ANKRD36B: variants seen among roughly 807,000 people sequenced by gnomAD.
The protein encoded by ANKRD36B is ankyrin repeat domain-containing protein 36B.
In ANKRD36B, 37 loss-of-function variants were observed where a neutral mutation model predicts 135.7. The ratio of observed to expected loss-of-function variants is 0.27; its 90% CI spans 0.21 to 0.36. The LOEUF (loss-of-function observed/expected upper bound fraction) is 0.36. Among genes scored for constraint, ANKRD36B ranks in the 10% least tolerant of loss-of-function variants. ANKRD36B has a pLI of 1.00. For missense variants in ANKRD36B, 549 were observed against 1,037.1 expected, an observed-to-expected ratio of 0.53 and a Z score of 6.46; for synonymous variants, 179 against 348.1, an observed-to-expected ratio of 0.51 and a Z score of 5.41.
chr2:97,516,214 A>AC (rs1445778365), intron 36 of ANKRD36B, among the ~76,000 whole-genome samples: 1 of 61,496 alleles, frequency 1.6e-5, no homozygotes, highest in Non-Finnish European at 4.4e-5. Flanking sequence ...AAAAAAAAAA[A>AC]CATAGTTATG....
At chr2:97,576,168 T>C (rs994130536) in intron 6 of ANKRD36B, among the ~76,000 whole-genome samples, 1 of 151,038 alleles carries the variant, frequency 6.6e-6, no homozygotes, top group Non-Finnish European at 1.5e-5. Flanking sequence ...GGAACGATAA[T>C]TAAATAATAA....
intron 5 of ANKRD36B, among the ~76,000 whole-genome samples, chr2:97,576,824 T>C (rs1298127817): frequency 2.0e-5 from 3 of 152,076 alleles, no homozygotes; most frequent in Non-Finnish European, 4.4e-5. Context: ...GGTTGTTATA[T>C]AGGTTTAATG....
intron 1 of ANKRD36B, among the ~76,000 whole-genome samples, chr2:97,587,044 G>A (rs6710300): frequency 0.056 from 8,585 of 152,032 alleles, 818 homozygotes; most frequent in African/African-American, 0.2. Context: ...GCATGGTGGC[G>A]CACACCTGTA....
In ANKRD36B at chr2:97,523,451, T is replaced by G. The variant is rs1282106453; in HGVS notation, c.2282A>C (p.His761Pro). Residue 761 changes from histidine to proline, a missense_variant, in exon 36 of 44, where the codon CAT becomes CCT. His to Pro is a moderately conservative substitution (Grantham distance 77). Transcript: ENST00000359901. ...TATGTCATCAAGGTCATCCCTAGAA[T>G]GTATTTGGTTTTTCACCTACAAAAT... ...NNQPQVKNQI[H>P]SRDDLDDIIQ... 1.3e-6 allele frequency: 1 copy of G among 752,718 alleles called. No individual in the cohort carries two copies. The highest frequency in any genetic ancestry group is 2.1e-5 in the African/African-American group (1 of 47,274). The allele number at this position is 752,718 out of a possible 1,614,324, so 46.6% of individuals were successfully genotyped here.
In ANKRD36B at chr2:97,494,373, T is replaced by C. The variant is rs1419545385; in HGVS notation, c.*7-1518A>G. On this transcript the variant is annotated intron_variant, in intron 43 of 43. Coordinates refer to ENST00000359901, the MANE Select transcript of ANKRD36B (RefSeq NM_001393939.1). The stretch of plus-strand genomic sequence containing the variant: ...GGTCAGGGACCCAGAAGGCTTTTAC[T>C]TGTGGCTAAAGGTGAAGAGACAACG... 6.7e-5 allele frequency among the ~76,000 whole-genome samples: 7 copies of C among 104,834 alleles called. 1 individual carries two copies. Among genetic ancestry groups the C allele is most frequent in the Admixed American group, 1.7e-4 (2 of 11,634 alleles). The allele number at this position is 104,834 out of a possible 152,430, so 68.8% of individuals were successfully genotyped here.
intron 6 of ANKRD36B, among the ~76,000 whole-genome samples, chr2:97,566,721 G>T (rs1472193166): frequency 1.3e-5 from 2 of 152,054 alleles, no homozygotes; most frequent in African/African-American, 4.8e-5. Flanking sequence ...AATGAACCAG[G>T]TGCAGCTAGA....
intron 16 of ANKRD36B, among the ~76,000 whole-genome samples, chr2:97,551,864 A>G (rs1379587401): frequency 6.6e-6 from 1 of 151,920 alleles, no homozygotes; most frequent in Admixed American, 6.6e-5. Flanking sequence ...TCATGCAACA[A>G]ATCAAAAGGA....
intron 6 of ANKRD36B, among the ~76,000 whole-genome samples, chr2:97,572,100 T>C (rs1016647154): frequency 1.3e-5 from 2 of 152,032 alleles, no homozygotes; most frequent in African/African-American, 2.4e-5. Context: ...GAGAGAGACC[T>C]TTGTCTTTAA....
intron 20 of ANKRD36B, among the ~76,000 whole-genome samples, chr2:97,549,205 G>T (rs1165693250): frequency 6.6e-6 from 1 of 151,624 alleles, no homozygotes; most frequent in Non-Finnish European, 1.5e-5. Context: ...CTTCAATGTG[G>T]GGAAGTGTAT....
At position 97,578,943 on chromosome 2, in the gene ANKRD36B, G is replaced by T. The variant is rs762854477; in HGVS notation, c.658C>A (p.Leu220Ile). 1.9e-6 allele frequency: 3 copies of T among 1,612,876 alleles called. No individual in the cohort carries two copies. The highest frequency in any genetic ancestry group is 1.3e-5 in the African/African-American group (1 of 74,884). The change falls in exon 5 of 44, where the codon CTT (leucine) becomes ATT (isoleucine). Residue 220 changes from leucine to isoleucine, a missense_variant. Transcript: ENST00000359901. ...GCCTCACTGGCATAATCTTCTGCAA[G>T]CTTTCCATACACATCTCGAGAAAAC... ...DVFSRDVYGK[L>I]AEDYASEAEN...
intron 10 of ANKRD36B, among the ~76,000 whole-genome samples, chr2:97,557,650 C>T (rs1282931914): frequency 1.3e-5 from 2 of 151,698 alleles, no homozygotes; most frequent in Admixed American, 1.3e-4. Context: ...GTGGAAGTGG[C>T]CCAGCTTCAA....
At chr2:97,582,627 G>A (rs184552447) in intron 3 of ANKRD36B, among the ~76,000 whole-genome samples, 33 of 152,258 alleles carry the variant, frequency 2.2e-4, no homozygotes, top group Admixed American at 5.2e-4. Flanking sequence ...GAGACAATTT[G>A]TAGACGCAAA....
In ANKRD36B at chr2:97,545,714, C is replaced by T. The variant is rs189827106; in HGVS notation, c.1633G>A (p.Val545Ile). The T allele has an allele frequency of 9.2e-4, 889 of 961,198 alleles. 246 individuals carry two copies. In the African/African-American group the frequency reaches 0.012, roughly 13 times the overall value. 59.5% of individuals were successfully genotyped at this position (961,198 alleles called of 1,614,324 possible). A position where few individuals can be genotyped will look rare whatever the true frequency, so the allele number is the denominator to read the frequency against. Residue 545 changes from valine to isoleucine, a missense_variant, in exon 24 of 44, where the codon GTT (valine) becomes ATT (isoleucine). Transcript: ENST00000359901. ...LKATSDKEDS[V>I]PNMATETKDE... Reference sequence around the variant, plus strand: ...TTTGTTTCTGTGGCCATATTCGGAACAGAATCTTCCTTGTCACTTGTAGCC... The same window carrying T: ...TTTGTTTCTGTGGCCATATTCGGAATAGAATCTTCCTTGTCACTTGTAGCC...
In ANKRD36B at chr2:97,544,703, T is replaced by C. The variant is rs1187500257; in HGVS notation, c.1682-718A>G. 7.2e-5 allele frequency among the ~76,000 whole-genome samples: 7 copies of C among 96,818 alleles called. 3 individuals carry two copies. The South Asian group carries it at 1.6e-3, about 23-fold the overall frequency. 63.5% of individuals were successfully genotyped at this position (96,818 alleles called of 152,430 possible). ...TCATCAATTACCAATGTTGACGTAC[T>C]TCTACAAAGTAAAACTGCTACAAGC... On this transcript the variant is annotated intron_variant, in intron 24 of 43. Transcript: ENST00000359901.
intron 8 of ANKRD36B, among the ~76,000 whole-genome samples, chr2:97,559,460 C>G (rs1022807349): frequency 6.6e-5 from 10 of 151,962 alleles, no homozygotes; most frequent in African/African-American, 2.4e-4. Context: ...GATGACAATT[C>G]AGTTAAATGT....
intron 6 of ANKRD36B, among the ~76,000 whole-genome samples, chr2:97,562,857 C>T (rs1002101845): frequency 1.3e-5 from 2 of 152,004 alleles, no homozygotes; most frequent in African/African-American, 2.4e-5. Flanking sequence ...CCATGGCCTC[C>T]TCTCTCCCAT....
intron 1 of ANKRD36B, among the ~76,000 whole-genome samples, chr2:97,587,172 C>T (rs2083063773): frequency 6.6e-6 from 1 of 151,908 alleles, no homozygotes; most frequent in Non-Finnish European, 1.5e-5. Context: ...GACTCCATCT[C>T]AAAAATAAAC....
intron 34 of ANKRD36B, 27 bp from the exon 35 acceptor site, chr2:97,532,411 A>G (rs562891674): frequency 2.0e-6 from 1 of 509,756 alleles, no homozygotes; most frequent in South Asian, 1.6e-5. Flanking sequence ...TTTAGTTAAA[A>G]TGAGCTACAC....
intron 20 of ANKRD36B, among the ~76,000 whole-genome samples, chr2:97,548,895 C>G (rs188997580): frequency 1.4e-4 from 22 of 152,044 alleles, no homozygotes; most frequent in Admixed American, 2.6e-4. Context: ...TTCCTCAGCA[C>G]AAACCCCAAA....
Sources: gnomAD v4.1 joint callset for allele counts (sites outside exome capture counted in the v4.1 genomes callset) on GRCh38, gnomAD v4.1.1 for gene constraint, MANE v1.5 for transcripts, NCBI Gene and HGNC (gene_info 2026-07-23, HGNC 2026-07-21) for gene names.